WIZ: variants seen among roughly 807,000 people sequenced by gnomAD.
WIZ encodes WIZ zinc finger.
WIZ carries 25 observed loss-of-function variants against 140.2 expected under a neutral mutation model. The ratio of observed to expected loss-of-function variants is 0.18; its 90% CI spans 0.13 to 0.25. WIZ has a LOEUF of 0.25. Ranked by LOEUF, WIZ falls within the 10% of genes least tolerant of loss-of-function variation. WIZ has a pLI of 1.00. For synonymous variants in WIZ, 1,125 were observed against 1,154.3 expected (o/e 0.97, Z 0.51); for missense variants, 2,231 against 2,632.6 (o/e 0.85, Z 3.34).
Position 15,438,666 on chromosome 19 carries a change from G to A in WIZ, c.2328C>T (p.Gly776=), listed in dbSNP as rs1220678314. The A allele has an allele frequency of 9.8e-6, 15 of 1,536,054 alleles. No individual in the cohort carries two copies. The highest frequency in any genetic ancestry group is 2.0e-5 in the Admixed American group (1 of 51,010). The stretch of plus-strand genomic sequence containing the variant: ...TGAAATGGCGCACATTGTAGCTGAC[G>A]CCCACGCGGTTCAGGTGGCCCCGGA... ...NHVRGHLNRV[G]VSYNVRHFIS... The change falls in exon 4 of 13, where the codon GGC becomes GGT. Residue 776 remains glycine, a synonymous_variant. Transcript: ENST00000673675.
intron 6 of WIZ, among the ~76,000 whole-genome samples, chr19:15,430,758 G>A (rs992823285): frequency 1.3e-5 from 2 of 152,048 alleles, no homozygotes; most frequent in Admixed American, 1.3e-4. Context: ...CTGAGTATGA[G>A]CTCTGGACCA....
intron 4 of WIZ, among the ~76,000 whole-genome samples, chr19:15,438,171 G>A (rs1480038147): frequency 2.6e-5 from 4 of 152,216 alleles, no homozygotes; most frequent in Non-Finnish European, 4.4e-5. Flanking sequence ...GCCCCAGGGG[G>A]TTCTGAAGCT....
At chr19:15,447,968 A>T in intron 2 of WIZ, 135 bp downstream of exon 2, 1 of 1,020,348 alleles carries the variant, frequency 9.8e-7, no homozygotes, top group Non-Finnish European at 1.5e-6. Context: ...TAAACAGAGT[A>T]CAAAGAAAAG....
At chr19:15,441,435 A>G (rs1969742929) in intron 3 of WIZ, among the ~76,000 whole-genome samples, 1 of 152,252 alleles carries the variant, frequency 6.6e-6, no homozygotes, top group Non-Finnish European at 1.5e-5. Context: ...CATAGCCATC[A>G]TCAACAAAAG....
rs1408948572 is a variant in WIZ at position 15,420,140 on chromosome 19, A to G, written c.*2936T>C. 6.6e-6 allele frequency: 1 copy of G among 152,250 alleles called. No individual in the cohort carries two copies. Among genetic ancestry groups the G allele is most frequent in the African/African-American group, 2.4e-5 (1 of 41,448 alleles). The allele number at this position is 152,250 out of a possible 1,614,324, so 9.4% of individuals were successfully genotyped here. On this transcript the variant is annotated 3_prime_UTR_variant, in exon 13 of 13. Transcript: ENST00000673675. The stretch of plus-strand genomic sequence containing the variant: ...TGCTTCACACAATTCAGACAGGTAG[A>G]GAGAGGAGGAGGAAGCAAGGAGCTA...
In WIZ at chr19:15,427,075, G is replaced by T. The variant is rs867150332; in HGVS notation, c.4273C>A (p.Arg1425=). The part of the protein sequence containing the change: ...KPEQIRVEIK[R]EMLPGALHGE... ...TGAAGGGCCCCCGGCAGCATCTCCC[G>T]CTTGATCTCCACCCGTATTTGTTCA... The change falls in exon 9 of 13, where the codon CGG becomes AGG. Residue 1425 remains arginine, a synonymous_variant. Coordinates refer to ENST00000673675, the MANE Select transcript of WIZ (RefSeq NM_001371589.1). The surrounding 1 kb of genome is among the most constrained non-coding windows in gnomAD (Gnocchi z 6.4). The T allele has an allele frequency of 1.2e-6, 2 of 1,614,158 alleles. No individual in the cohort carries two copies. Among genetic ancestry groups the T allele is most frequent in the South Asian group, 2.2e-5 (2 of 91,076 alleles).
At chr19:15,426,401 C>T (rs982142384) in intron 9 of WIZ, among the ~76,000 whole-genome samples, 3 of 152,194 alleles carry the variant, frequency 2.0e-5, no homozygotes, top group African/African-American at 7.2e-5. Flanking sequence ...TGATGGCATA[C>T]AGAGTTTTCT....
chr19:15,439,046 T>C lies in WIZ; in HGVS notation c.1948A>G (p.Ile650Val). The C allele has an allele frequency of 6.7e-7, 1 of 1,498,632 alleles. No homozygotes were observed. Among genetic ancestry groups the C allele is most frequent in the Non-Finnish European group, 8.9e-7 (1 of 1,127,612 alleles). 92.8% of individuals were successfully genotyped at this position (1,498,632 alleles called of 1,614,324 possible). A position where few individuals can be genotyped will look rare whatever the true frequency, so the allele number is the denominator to read the frequency against. Residue 650 changes from isoleucine to valine, a missense_variant, in exon 4 of 13, where the codon ATC (isoleucine) becomes GTC (valine). Physicochemically the swap from Ile to Val is conservative, Grantham distance 29 (BLOSUM62 3). This residue lies in a region of WIZ where 475 missense variants were observed against 520.2 expected (regional missense o/e 0.91). Coordinates refer to ENST00000673675, the MANE Select transcript of WIZ (RefSeq NM_001371589.1). This position sits in a 1 kb window ranked among gnomAD's most constrained non-coding sequence, Gnocchi z 7.0. Reference protein sequence around the residue: ...VFSPLATPSLIPQAALELKQA... With the variant: ...VFSPLATPSLVPQAALELKQA... Reference sequence around the variant, plus strand: ...TTCAGCTCCAGGGCCGCCTGCGGGATGAGGCTGGGGGTGGCTAGGGGTGAA... The same window carrying C: ...TTCAGCTCCAGGGCCGCCTGCGGGACGAGGCTGGGGGTGGCTAGGGGTGAA...
chr19:15,428,580 G>A lies in WIZ; in HGVS notation c.3416-72C>T. On this transcript the variant is annotated intron_variant, in intron 7 of 12. Transcript: ENST00000673675. The surrounding 1 kb of genome is among the most constrained non-coding windows in gnomAD (Gnocchi z 6.4). ...GGCCTTGGGGGCCTGAGGTAGGAGG[G>A]TCTGGTGTGATTTTTGGCTGCTCAG... is the stretch of plus-strand genomic sequence containing the variant. 1 of 1,527,180 alleles carries A rather than the reference G, an allele frequency of 6.5e-7. No homozygotes were observed. Among genetic ancestry groups the A allele is most frequent in the Non-Finnish European group, 8.8e-7 (1 of 1,141,836 alleles). 94.6% of individuals were successfully genotyped at this position (1,527,180 alleles called of 1,614,324 possible).
chr19:15,420,347 AC>A lies in WIZ; in HGVS notation c.*2728del, dbSNP rs1421519041. 1 of 152,250 alleles carries A rather than the reference AC, an allele frequency of 6.6e-6. No individual in the cohort carries two copies. The highest frequency in any genetic ancestry group is 1.5e-5 in the Non-Finnish European group (1 of 68,044). The allele number at this position is 152,250 out of a possible 1,614,324, so 9.4% of individuals were successfully genotyped here. A position where few individuals can be genotyped will look rare whatever the true frequency, so the allele number is the denominator to read the frequency against. On this transcript the variant is annotated 3_prime_UTR_variant, in exon 13 of 13. Coordinates refer to ENST00000673675, the MANE Select transcript of WIZ (RefSeq NM_001371589.1). ...ACTTGCTGCCATACGGAACAAAGCC[AC>A]TTCTGATGTGTTAAGTGAGCAAACT...
At chr19:15,443,788 C>T (rs1158526161) in intron 2 of WIZ, among the ~76,000 whole-genome samples, 1 of 152,154 alleles carries the variant, frequency 6.6e-6, no homozygotes, top group East Asian at 1.9e-4. Flanking sequence ...CTCAGCAAAT[C>T]CTTGCCAGAT....
chr19:15,440,633 C>A lies in WIZ; in HGVS notation c.361G>T (p.Gly121Cys). 6.5e-7 allele frequency: 1 copy of A among 1,531,478 alleles called. No homozygotes were observed. 94.9% of individuals were successfully genotyped at this position (1,531,478 alleles called of 1,614,324 possible). A position where few individuals can be genotyped will look rare whatever the true frequency, so the allele number is the denominator to read the frequency against. Residue 121 changes from glycine to cysteine, a missense_variant, in exon 4 of 13, where the codon GGC becomes TGC. By Grantham distance (159) the Gly-to-Cys change is radical. Coordinates refer to ENST00000673675, the MANE Select transcript of WIZ (RefSeq NM_001371589.1). This position sits in a 1 kb window ranked among gnomAD's most constrained non-coding sequence, Gnocchi z 6.2. ...LLGHFPGTPDGRGPWEHPLVQ... is the reference protein window; with the variant it reads ...LLGHFPGTPDCRGPWEHPLVQ... ...AGGGGGTGCTCCCAGGGCCCCCGGC[C>A]ATCAGGGGTACCTGGGAAATGGCCC...
rs770988708 is a variant in WIZ at position 15,424,233 on chromosome 19, G to T, written c.5460C>A (p.Pro1820=). ...RPVPSLVPRP[P]QTSLVKFVGN... is the part of the protein sequence containing the mutation. ...CCACGAACTTGACAAGTGATGTCTG[G>T]GGGGGCCGGGGCACCAGGGAGGGGA... Residue 1820 remains proline (P), a synonymous_variant, in exon 12 of 13, where the codon CCC becomes CCA. Coordinates refer to ENST00000673675, the MANE Select transcript of WIZ (RefSeq NM_001371589.1). This position sits in a 1 kb window ranked among gnomAD's most constrained non-coding sequence, Gnocchi z 9.7. 2 of 1,581,746 alleles carry T rather than the reference G, an allele frequency of 1.3e-6. No homozygotes were observed. The highest frequency in any genetic ancestry group is 1.7e-6 in the Non-Finnish European group (2 of 1,167,096).
Position 15,427,217 on chromosome 19 carries a change from C to T in WIZ, c.4131G>A (p.Lys1377=), listed in dbSNP as rs768577129. The change falls in exon 9 of 13, where the codon AAG becomes AAA. Residue 1377 remains lysine (K), a synonymous_variant. Coordinates refer to ENST00000673675, the MANE Select transcript of WIZ (RefSeq NM_001371589.1). This position sits in a 1 kb window ranked among gnomAD's most constrained non-coding sequence, Gnocchi z 6.4. ...SDLHISPLAK[K]LPPPPGSPLG... is the part of the protein sequence containing the mutation. ...GGGGGCTGCCCGGTGGTGGTGGCAACTTCTTGGCCAAGGGTGAGATGTGAA... is the reference window on the plus strand; with the variant it reads ...GGGGGCTGCCCGGTGGTGGTGGCAATTTCTTGGCCAAGGGTGAGATGTGAA... 6.2e-7 allele frequency: 1 copy of T among 1,614,106 alleles called. No homozygotes were observed. The highest frequency in any genetic ancestry group is 8.5e-7 in the Non-Finnish European group (1 of 1,180,024).
chr19:15,430,827 C>T (rs1163183421), intron 6 of WIZ, among the ~76,000 whole-genome samples, 185 bp downstream of exon 6: 5 of 152,200 alleles, frequency 3.3e-5, no homozygotes, highest in Non-Finnish European at 7.3e-5. Flanking sequence ...CTCAGGGCCA[C>T]GCATGCCCAG....
rs1416811328 is a variant in WIZ at position 15,428,556 on chromosome 19, GC to G, written c.3416-49del. The G allele has an allele frequency of 6.5e-7, 1 of 1,534,732 alleles. No homozygotes were observed. The highest frequency in any genetic ancestry group is 8.7e-7 in the Non-Finnish European group (1 of 1,146,410). On this transcript the variant is annotated intron_variant, in intron 7 of 12. Transcript: ENST00000673675. This position sits in a 1 kb window ranked among gnomAD's most constrained non-coding sequence, Gnocchi z 6.4. ...GGGTTCACGGCCGCCACCTTGGCCG[GC>G]CTTGGGGGCCTGAGGTAGGAGGGTC...
intron 5 of WIZ, among the ~76,000 whole-genome samples, chr19:15,432,716 C>T (rs1246314920): frequency 6.6e-6 from 1 of 150,862 alleles, no homozygotes; most frequent in African/African-American, 2.4e-5. Flanking sequence ...TTGGCTCCGG[C>T]GCACGCGGGG....
intron 2 of WIZ, among the ~76,000 whole-genome samples, chr19:15,445,999 C>T (rs572057996): frequency 1.4e-4 from 22 of 152,130 alleles, no homozygotes; most frequent in Admixed American, 1.3e-3. Context: ...GGAGATCAAG[C>T]GGGCAGAGAG....
At chr19:15,445,898 C>T (rs1969903018) in intron 2 of WIZ, among the ~76,000 whole-genome samples, 1 of 151,998 alleles carries the variant, frequency 6.6e-6, no homozygotes, top group African/African-American at 2.4e-5. Flanking sequence ...AAAGGAAGGC[C>T]CAGGCTTTGG....
Sources: gnomAD v4.1 joint callset for allele counts (sites outside exome capture counted in the v4.1 genomes callset) on GRCh38, gnomAD v4.1.1 for gene constraint, gnomAD v4.1.1 regional missense constraint, Gnocchi (gnomAD v3.1) non-coding constraint, MANE v1.5 for transcripts, NCBI Gene and HGNC (gene_info 2026-07-23, HGNC 2026-07-21) for gene names.